Variants in SLC30A5 observed in about 807,000 individuals in gnomAD.
SLC30A5 encodes solute carrier family 30 member 5.
SLC30A5 carries 33 observed loss-of-function variants against 79.6 expected under a neutral mutation model. The observed-to-expected ratio is 0.41, with a 90% CI of 0.31 to 0.55. The LOEUF is 0.55. SLC30A5 is among the 20% of genes least tolerant of loss of function. The pLI, the probability that SLC30A5 is intolerant of heterozygous loss-of-function variation, is 0.20. For missense variants in SLC30A5, 788 were observed against 928.1 expected, an observed-to-expected ratio of 0.85 and a Z score of 1.96; for synonymous variants, 299 against 319.7, an observed-to-expected ratio of 0.94 and a Z score of 0.69.
At chr5:69,117,178 ATCC>A in intron 10 of SLC30A5, 58 bp from the exon 11 acceptor site, 6 of 1,393,040 alleles carry the variant, frequency 4.3e-6, no homozygotes, top group Non-Finnish European at 6.0e-6. Flanking sequence ...AAGGGTTAAA[ATCC>A]TCCTAATTGA....
chr5:69,127,926 T>C, intron 14 of SLC30A5, 78 bp from the exon 15 acceptor site: 1 of 1,252,942 alleles, frequency 8.0e-7, no homozygotes. Flanking sequence ...GTGTGTTTAC[T>C]TTCTGTCAGA....
At chr5:69,112,025 C>CATT (rs1746246593) in intron 5 of SLC30A5, among the ~76,000 whole-genome samples, 1 of 152,132 alleles carries the variant, frequency 6.6e-6, no homozygotes, top group African/African-American at 2.4e-5. Context: ...TTTAGCCAGG[C>CATT]ACAGTGGCTC....
chr5:69,128,398 C>T (rs1222466546), intron 15 of SLC30A5, among the ~76,000 whole-genome samples: 1 of 151,738 alleles, frequency 6.6e-6, no homozygotes, highest in African/African-American at 2.4e-5. Context: ...ATTATAGGCA[C>T]CCGTCACCAT....
Position 69,116,331 on chromosome 5 carries a change from C to A in SLC30A5, c.1073-63C>A. 6.7e-7 allele frequency: 1 copy of A among 1,503,020 alleles called. No individual in the cohort carries two copies. Among genetic ancestry groups the A allele is most frequent in the Non-Finnish European group, 8.9e-7 (1 of 1,119,814 alleles). 93.1% of individuals were successfully genotyped at this position (1,503,020 alleles called of 1,614,324 possible). ...TGCTTGCATTTAGTGCCGACAGTTA[C>A]TGTGTTGGTTTTGGTAGCTTAAACT... On this transcript the variant is annotated intron_variant, in intron 9 of 15. Coordinates refer to ENST00000396591, the MANE Select transcript of SLC30A5 (RefSeq NM_022902.5). The surrounding 1 kb of genome is among the most constrained non-coding windows in gnomAD (Gnocchi z 4.0).
At chr5:69,129,066 C>T (rs564705953) in intron 15 of SLC30A5, among the ~76,000 whole-genome samples, 403 of 152,260 alleles carry the variant, frequency 2.6e-3, no homozygotes, top group Middle Eastern at 3.4e-3. Flanking sequence ...TGGGCTCAAG[C>T]GATCCTCCTG....
intron 14 of SLC30A5, among the ~76,000 whole-genome samples, chr5:69,127,583 G>T (rs1235209380): frequency 1.3e-5 from 2 of 152,074 alleles, no homozygotes; most frequent in Non-Finnish European, 2.9e-5. Flanking sequence ...GGCTGAGGTT[G>T]CAGTGAGCCA....
rs569670372 is a variant in SLC30A5 at position 69,115,249 on chromosome 5, T to C, written c.625T>C (p.Leu209=). ...GVADHKGGVL[L]LVLALCCKVG... ...ATTTTACTCACAGGGTGGAGTATTATTGCTAGTACTGGCTTTGTGTTGTAA... is the reference window on the plus strand; with the variant it reads ...ATTTTACTCACAGGGTGGAGTATTACTGCTAGTACTGGCTTTGTGTTGTAA... The change falls in exon 8 of 16, where the codon TTG becomes CTG. Residue 209 remains leucine (L), a synonymous_variant. Transcript: ENST00000396591. 3.4e-5 allele frequency: 55 copies of C among 1,613,480 alleles called. No homozygotes were observed. The South Asian group carries it at 5.1e-4, about 15-fold the overall frequency.
rs759164361 is a variant in SLC30A5, at chr5:69,123,288, G to A, written c.1861G>A (p.Ala621Thr). 1.4e-5 allele frequency: 22 copies of A among 1,613,770 alleles called. No individual in the cohort carries two copies. Among genetic ancestry groups the A allele is most frequent in the Non-Finnish European group, 1.6e-5 (19 of 1,179,922 alleles). Residue 621 changes from alanine to threonine, a missense_variant, in exon 14 of 16, where the codon GCT becomes ACT. By Grantham distance (58) the Ala-to-Thr change is moderately conservative. Around this residue, in one of 3 missense-constraint regions of SLC30A5, gnomAD observed 626 missense variants for 755.5 expected, o/e 0.83. Coordinates refer to ENST00000396591, the MANE Select transcript of SLC30A5 (RefSeq NM_022902.5). ...VLIEQFGWFI[A>T]DPLCSLFIAI... ...TATAGAGCAGTTTGGATGGTTCATCGCTGACCCACTCTGTTCTCTTTTTAT... is the reference window on the plus strand; with the variant it reads ...TATAGAGCAGTTTGGATGGTTCATCACTGACCCACTCTGTTCTCTTTTTAT...
intron 5 of SLC30A5, among the ~76,000 whole-genome samples, chr5:69,109,946 AGCTGGCACT>A (rs1335127640): frequency 6.6e-6 from 1 of 152,196 alleles, no homozygotes; most frequent in Non-Finnish European, 1.5e-5. Flanking sequence ...GGCCCTGACA[AGCTGGCACT>A]GCGGGCATTT....
At chr5:69,118,989 T>C (rs764602391) in intron 12 of SLC30A5, among the ~76,000 whole-genome samples, 11 of 151,834 alleles carry the variant, frequency 7.2e-5, no homozygotes, top group Non-Finnish European at 1.5e-4. Flanking sequence ...TTTGTATAGA[T>C]AGAGTTTCGC....
intron 13 of SLC30A5, among the ~76,000 whole-genome samples, chr5:69,122,664 A>G (rs1337296795): frequency 1.3e-5 from 2 of 152,212 alleles, no homozygotes; most frequent in Non-Finnish European, 2.9e-5. Flanking sequence ...AAACAAAAAG[A>G]AAATGAAAAT....
chr5:69,118,683 C>T, intron 12 of SLC30A5, 55 bp downstream of exon 12: 1 of 1,452,500 alleles, frequency 6.9e-7, no homozygotes, highest in Non-Finnish European at 9.2e-7. Flanking sequence ...ATAGTTTTTT[C>T]TATCCTAAAG....
chr5:69,097,306 G>A (rs1289804262), intron 1 of SLC30A5, among the ~76,000 whole-genome samples: 1 of 151,892 alleles, frequency 6.6e-6, no homozygotes, highest in Non-Finnish European at 1.5e-5. Flanking sequence ...TAGTAGAGAC[G>A]GGGTTTCACC....
chr5:69,129,590 C>T lies in SLC30A5; in HGVS notation c.2271C>T (p.Tyr757=). The change falls in exon 16 of 16, where the codon TAC becomes TAT. Residue 757 remains tyrosine, a synonymous_variant. Transcript: ENST00000396591. ...CAAAACAAATGGAATCCATGAAATACTGCAAAGATGGTACTTACATCATGT... is the reference window on the plus strand; with the variant it reads ...CAAAACAAATGGAATCCATGAAATATTGCAAAGATGGTACTTACATCATGT... The part of the protein sequence containing the change: ...AMTKQMESMK[Y]CKDGTYIM The T allele has an allele frequency of 2.5e-6, 4 of 1,612,818 alleles. No homozygotes were observed. The highest frequency in any genetic ancestry group is 1.7e-6 in the Non-Finnish European group (2 of 1,179,530).
At chr5:69,123,808 G>C (rs962848127) in intron 14 of SLC30A5, among the ~76,000 whole-genome samples, 4 of 152,114 alleles carry the variant, frequency 2.6e-5, no homozygotes, top group African/African-American at 9.7e-5. Flanking sequence ...GTTAGCGCTT[G>C]AGAATAAGAA....
chr5:69,115,459 G>A, intron 8 of SLC30A5, 52 bp downstream of exon 8: 2 of 1,431,766 alleles, frequency 1.4e-6, no homozygotes, highest in South Asian at 2.7e-5. Context: ...AAAATGAATT[G>A]CTATTAAATT....
chr5:69,108,949 G>T (rs1038869946), intron 5 of SLC30A5, among the ~76,000 whole-genome samples: 3 of 151,828 alleles, frequency 2.0e-5, no homozygotes, highest in Non-Finnish European at 4.4e-5. Flanking sequence ...ATAATCCGTA[G>T]TTGGAGAAAT....
chr5:69,104,044 G>C (rs1349938823), intron 3 of SLC30A5: 2 of 1,561,982 alleles, frequency 1.3e-6, no homozygotes, highest in African/African-American at 1.4e-5. Flanking sequence ...GTGGGAAACT[G>C]AGAAATCATA....
Position 69,123,271 on chromosome 5 carries a change from A to G in SLC30A5, c.1844A>G (p.Gln615Arg), listed in dbSNP as rs1296550872. The change falls in exon 14 of 16, where the codon CAG (glutamine) becomes CGG (arginine). Residue 615 changes from glutamine to arginine, a missense_variant. By Grantham distance (43) the Gln-to-Arg change is conservative (BLOSUM62 1). Around this residue, in one of 3 missense-constraint regions of SLC30A5, gnomAD observed 626 missense variants for 755.5 expected, o/e 0.83. Coordinates refer to ENST00000396591, the MANE Select transcript of SLC30A5 (RefSeq NM_022902.5). ...GVIVSTVLIE[Q>R]FGWFIADPLC... is the part of the protein sequence containing the mutation. The stretch of plus-strand genomic sequence containing the variant: ...ATCGTATCCACAGTTCTTATAGAGC[A>G]GTTTGGATGGTTCATCGCTGACCCA... 6.2e-7 allele frequency: 1 copy of G among 1,614,082 alleles called. No individual in the cohort carries two copies. Among genetic ancestry groups the G allele is most frequent in the Non-Finnish European group, 8.5e-7 (1 of 1,180,000 alleles).
Sources: allele counts gnomAD v4.1 joint callset (sites outside exome capture counted in the v4.1 genomes callset), GRCh38; gene constraint gnomAD v4.1.1; regional missense constraint gnomAD v4.1.1; non-coding constraint Gnocchi (gnomAD v3.1); transcripts MANE v1.5; gene names NCBI Gene and HGNC (gene_info 2026-07-23, HGNC 2026-07-21).